CHD6: variants seen among roughly 807,000 people sequenced by gnomAD.
The protein encoded by CHD6 is ATP-dependent chromatin remodeler CHD6.
A neutral mutation model predicts 276.9 loss-of-function variants in CHD6; 50 were observed. The observed-to-expected ratio is 0.18, with a 90% confidence interval of 0.14 to 0.23. CHD6 has a LOEUF of 0.23. Ranked by LOEUF, CHD6 falls within the 10% of genes least tolerant of loss-of-function variation. CHD6 has a pLI of 1.00. For missense variants in CHD6, 2,564 were observed against 3,365.8 expected, an observed-to-expected ratio of 0.76 and a Z score of 5.89; for synonymous variants, 1,173 against 1,229.3, an observed-to-expected ratio of 0.95 and a Z score of 0.96.
Position 41,403,767 on chromosome 20 carries a change from G to A in CHD6, c.*826C>T, listed in dbSNP as rs1184311710. ...AGAGAAATCTGTAAGCGAACCAGGT[G>A]AGAGCAGAGCGCTAGCCGTGTGCTT... On this transcript the variant is annotated 3_prime_UTR_variant, in exon 37 of 37. Coordinates refer to ENST00000373233, the MANE Select transcript of CHD6 (RefSeq NM_032221.5). 1.0e-5 allele frequency: 11 copies of A among 1,058,322 alleles called. No individual in the cohort carries two copies. The highest frequency in any genetic ancestry group is 1.3e-5 in the Non-Finnish European group (11 of 874,912). 65.6% of individuals were successfully genotyped at this position (1,058,322 alleles called of 1,614,324 possible).
At chr20:41,445,562 G>GAT (rs1485385082) in intron 25 of CHD6, 103 bp downstream of exon 25, 1 of 688,588 alleles carries the variant, frequency 1.5e-6, no homozygotes, top group Admixed American at 2.4e-5. Flanking sequence ...GTAACAGAAT[G>GAT]ATAGAGTTTT....
chr20:41,452,857 G>C lies in CHD6; in HGVS notation c.3206C>G (p.Ser1069Ter). The change falls in exon 21 of 37, where the codon TCA (serine) becomes TGA (stop). Residue 1069 changes from serine (S) to a stop codon, truncating the protein, a stop_gained. Transcript: ENST00000373233. LOFTEE classifies it high-confidence loss of function. This position sits in a 1 kb window ranked among gnomAD's most constrained non-coding sequence, Gnocchi z 4.2. ...SFEEDELMEF[S>*]ELDSDSDERP... ...TTCGTCTGAGTCGCTGTCTAACTCTGAAAACTCCATGAGCTCGTCTTCCTC... is the reference window on the plus strand; with the variant it reads ...TTCGTCTGAGTCGCTGTCTAACTCTCAAAACTCCATGAGCTCGTCTTCCTC... The C allele has an allele frequency of 6.2e-7, 1 of 1,613,474 alleles. No individual in the cohort carries two copies. The highest frequency in any genetic ancestry group is 8.5e-7 in the Non-Finnish European group (1 of 1,179,924).
intron 15 of CHD6, among the ~76,000 whole-genome samples, chr20:41,483,842 A>G (rs2043351217): frequency 6.6e-6 from 1 of 152,194 alleles, no homozygotes; most frequent in African/African-American, 2.4e-5. Flanking sequence ...TGACATCACA[A>G]AGACTGTAAG....
chr20:41,515,707 G>A (rs556535331), intron 3 of CHD6, among the ~76,000 whole-genome samples: 67 of 152,294 alleles, frequency 4.4e-4, no homozygotes, highest in African/African-American at 1.6e-3. Context: ...TAAATACAGT[G>A]CCTGGATCCT....
In CHD6 at chr20:41,457,432, G is replaced by A. The variant is rs770372699; in HGVS notation, c.2665-4C>T. The stretch of plus-strand genomic sequence containing the variant: ...TGCGGTGACATCGGGCCTGAGCCTG[G>A]GAAGAAGAAGAGTCATATGCATCAC... On this transcript the variant is annotated splice_region_variant and splice_polypyrimidine_tract_variant and intron_variant, in intron 17 of 36. Coordinates refer to ENST00000373233, the MANE Select transcript of CHD6 (RefSeq NM_032221.5). 2 of 1,607,278 alleles carry A rather than the reference G, an allele frequency of 1.2e-6. No homozygotes were observed. Among genetic ancestry groups the A allele is most frequent in the Admixed American group, 3.3e-5 (2 of 59,906 alleles).
Position 41,402,307 on chromosome 20 carries a change from C to T in CHD6, c.*2286G>A, listed in dbSNP as rs1019006377. ...TGTGCCTTACAGAGCAAATAATCCA[C>T]AGAGTGTCATATTCATTTTGCAAAC... On this transcript the variant is annotated 3_prime_UTR_variant, in exon 37 of 37. Coordinates refer to ENST00000373233, the MANE Select transcript of CHD6 (RefSeq NM_032221.5). The T allele has an allele frequency of 8.8e-6, 2 of 226,084 alleles. No homozygotes were observed. The highest frequency in any genetic ancestry group is 1.8e-5 in the Non-Finnish European group (2 of 113,654). The allele number at this position is 226,084 out of a possible 1,614,324, so 14.0% of individuals were successfully genotyped here. A position where few individuals can be genotyped will look rare whatever the true frequency, so the allele number is the denominator to read the frequency against.
intron 16 of CHD6, chr20:41,482,419 GTTTAA>G (rs2043315983): frequency 5.7e-6 from 2 of 353,382 alleles, no homozygotes; most frequent in Middle Eastern, 4.0e-4. Context: ...CATACCCATA[GTTTAA>G]TTTGTCATTT....
intron 3 of CHD6, among the ~76,000 whole-genome samples, chr20:41,531,700 G>T (rs534634916): frequency 2.4e-4 from 36 of 152,294 alleles, no homozygotes; most frequent in Admixed American, 5.9e-4. Flanking sequence ...CAGACAGAAG[G>T]GAGTGAACAT....
In CHD6 at chr20:41,544,692, T is replaced by A. The variant is rs142565659; in HGVS notation, c.33+6613A>T. ...TTAATATTTTATACTAATTAAAATA[T>A]TAGTATTTTAATACTAAAATATTAC... On this transcript the variant is annotated intron_variant, in intron 2 of 36. Coordinates refer to ENST00000373233, the MANE Select transcript of CHD6 (RefSeq NM_032221.5). Among the ~76,000 whole-genome samples, 144 of 150,236 alleles carry A rather than the reference T, an allele frequency of 9.6e-4. 1 individual carries two copies. Among genetic ancestry groups the A allele is most frequent in the Non-Finnish European group, 4.0e-4 (27 of 67,630 alleles).
chr20:41,499,263 T>G (rs371874672), intron 6 of CHD6, 32 bp downstream of exon 6: 1 of 1,536,194 alleles, frequency 6.5e-7, no homozygotes, highest in African/African-American at 1.4e-5. Context: ...TCTGTGCTAA[T>G]GATATAAAAG....
intron 19 of CHD6, among the ~76,000 whole-genome samples, chr20:41,455,048 G>C (rs2048341832): frequency 6.6e-6 from 1 of 152,188 alleles, no homozygotes; most frequent in Non-Finnish European, 1.5e-5. Context: ...TCCTATGAAA[G>C]AGTTAACACT....
chr20:41,514,030 G>C (rs1044390622), intron 4 of CHD6, among the ~76,000 whole-genome samples: 1 of 152,148 alleles, frequency 6.6e-6, no homozygotes, highest in Admixed American at 6.6e-5. Context: ...ACCAGCCCCA[G>C]TTTATAGGCA....
chr20:41,417,701 A>C (rs866414478), intron 31 of CHD6, among the ~76,000 whole-genome samples: 4 of 152,244 alleles, frequency 2.6e-5, no homozygotes, highest in Non-Finnish European at 4.4e-5. Context: ...GGGAAAGCTG[A>C]ACATTCTAAC....
chr20:41,607,759 T>G (rs2045844503), intron 1 of CHD6, among the ~76,000 whole-genome samples: 1 of 118,808 alleles, frequency 8.4e-6, no homozygotes, highest in Non-Finnish European at 1.6e-5. Flanking sequence ...AGTAGACCAT[T>G]CCACAGGAAA....
intron 27 of CHD6, among the ~76,000 whole-genome samples, chr20:41,431,485 G>C (rs980552370): frequency 5.3e-5 from 8 of 152,072 alleles, no homozygotes; most frequent in African/African-American, 1.9e-4. Context: ...GTAACTTCTG[G>C]GATCCAGAAT....
intron 1 of CHD6, among the ~76,000 whole-genome samples, chr20:41,598,191 C>T (rs993983349): frequency 2.0e-5 from 3 of 152,102 alleles, no homozygotes; most frequent in African/African-American, 7.2e-5. Flanking sequence ...TTCATTAAGT[C>T]GTTTCTAGGG....
Position 41,452,956 on chromosome 20 carries a change from G to A in CHD6, c.3121-14C>T. The A allele has an allele frequency of 6.2e-7, 1 of 1,605,438 alleles. No individual in the cohort carries two copies. Among genetic ancestry groups the A allele is most frequent in the Non-Finnish European group, 8.5e-7 (1 of 1,172,452 alleles). On this transcript the variant is annotated splice_polypyrimidine_tract_variant and intron_variant, in intron 20 of 36. Transcript: ENST00000373233. The surrounding 1 kb of genome is among the most constrained non-coding windows in gnomAD (Gnocchi z 4.2). ...CACTAAGCTTTCCTAGAAATGGAGAGGACTACTGGGAAGAAAGTCCTCTTT... is the reference window on the plus strand; with the variant it reads ...CACTAAGCTTTCCTAGAAATGGAGAAGACTACTGGGAAGAAAGTCCTCTTT...
intron 1 of CHD6, among the ~76,000 whole-genome samples, chr20:41,596,948 C>CA (rs2045723858): frequency 6.6e-6 from 1 of 152,004 alleles, no homozygotes; most frequent in African/African-American, 2.4e-5. Flanking sequence ...AAGCAAAAGG[C>CA]AAAAAATCAT....
In CHD6 at chr20:41,404,652, C is replaced by T. The variant is rs376331754; in HGVS notation, c.8089G>A (p.Glu2697Lys). ...EPSAPLPAER[E>K]HGAQAGEGAL... ...CCCTCCCCAGCCTGTGCCCCATGTT[C>T]TCTCTCTGCGGGCAAAGGGGCACTG... The change falls in exon 37 of 37, where the codon GAA (glutamate) becomes AAA (lysine). Residue 2697 changes from glutamate to lysine, a missense_variant. Transcript: ENST00000373233. 2.2e-5 allele frequency: 33 copies of T among 1,526,992 alleles called. No homozygotes were observed. The South Asian group carries it at 3.8e-4, about 17-fold the overall frequency. The allele number at this position is 1,526,992 out of a possible 1,614,324, so 94.6% of individuals were successfully genotyped here.
Sources: gnomAD v4.1 joint callset for allele counts (sites outside exome capture counted in the v4.1 genomes callset) on GRCh38, gnomAD v4.1.1 for gene constraint, Gnocchi (gnomAD v3.1) non-coding constraint, MANE v1.5 for transcripts, NCBI Gene and HGNC (gene_info 2026-07-23, HGNC 2026-07-21) for gene names.